The following ZGPAT variants were observed in gnomAD, a reference collection of about 807,000 sequenced individuals.
ZGPAT encodes the protein zinc finger CCCH-type with G patch domain-containing protein.
A neutral mutation model predicts 47.9 loss-of-function variants in ZGPAT; 39 were observed. That is an observed-to-expected ratio of 0.81 (90% CI 0.63 to 1.06). The LOEUF (loss-of-function observed/expected upper bound fraction) is 1.06, where lower values mean the gene tolerates loss of function less well. ZGPAT is among the 50% of genes least tolerant of loss of function. The pLI, the probability that ZGPAT is intolerant of heterozygous loss-of-function variation, is 0.00. For missense variants in ZGPAT, 717 were observed against 681.4 expected (o/e 1.05, Z -0.58); for synonymous variants, 348 against 292.9 (o/e 1.19, Z -1.92).
chr20:63,708,561 C>T lies in ZGPAT; in HGVS notation c.-20C>T, dbSNP rs1022555777. The T allele has an allele frequency of 5.7e-6, 9 of 1,566,180 alleles. No individual in the cohort carries two copies. Among genetic ancestry groups the T allele is most frequent in the East Asian group, 2.3e-5 (1 of 44,202 alleles). On this transcript the variant is annotated 5_prime_UTR_variant, in exon 2 of 7. Transcript: ENST00000355969. ...GGCTTCTCTTCTTGCAGCCCTGGTC[C>T]AGCGCCTCCCTCTCTCAGCATGGAC...
rs374342331 is a variant in ZGPAT, at chr20:63,735,505, C to T, written c.1338C>T (p.Ile446=). 4.8e-5 allele frequency: 73 copies of T among 1,532,092 alleles called. No homozygotes were observed. Among genetic ancestry groups the T allele is most frequent in the Middle Eastern group, 1.8e-4 (1 of 5,654 alleles). The allele number at this position is 1,532,092 out of a possible 1,614,324, so 94.9% of individuals were successfully genotyped here. The change falls in exon 6 of 7, where the codon ATC becomes ATT. Residue 446 remains isoleucine (I), a synonymous_variant. Coordinates refer to ENST00000355969, the MANE Select transcript of ZGPAT (RefSeq NM_181485.3). The stretch of plus-strand genomic sequence containing the variant: ...GGCTCTTCCAGACTGAGGAGAAGAT[C>T]GAGCGAACCCAGCGGGACATCAGGA... ...SLRLFQTEEK[I]ERTQRDIRSI...
intron 2 of ZGPAT, among the ~76,000 whole-genome samples, chr20:63,713,264 T>C (rs2145642621): frequency 6.6e-6 from 1 of 151,054 alleles, no homozygotes; most frequent in Non-Finnish European, 1.5e-5. Context: ...GGAGTCTTGC[T>C]CTGTTGCCCA....
At chr20:63,717,506 T>C (rs1370854243) in intron 2 of ZGPAT, among the ~76,000 whole-genome samples, 2 of 152,116 alleles carry the variant, frequency 1.3e-5, no homozygotes, top group Admixed American at 1.3e-4. Context: ...TCTTTTTGAA[T>C]GTAAGCATTT....
chr20:63,717,314 A>T (rs2145653145), intron 2 of ZGPAT, among the ~76,000 whole-genome samples: 1 of 134,988 alleles, frequency 7.4e-6, no homozygotes, highest in African/African-American at 2.8e-5. Context: ...TATTGATTTG[A>T]GATCTCTTTT....
At chr20:63,721,983 A>C (rs2091792739) in intron 2 of ZGPAT, among the ~76,000 whole-genome samples, 1 of 146,228 alleles carries the variant, frequency 6.8e-6, no homozygotes, top group Non-Finnish European at 1.5e-5. Flanking sequence ...ATTGCACTCC[A>C]GCCTGGGCGA....
intron 2 of ZGPAT, among the ~76,000 whole-genome samples, chr20:63,717,562 A>G (rs1028633571): frequency 7.9e-6 from 1 of 126,628 alleles, no homozygotes; most frequent in Non-Finnish European, 1.8e-5. Flanking sequence ...TGCATTCCAT[A>G]AGATTGTTTT....
chr20:63,733,500 C>T (rs1601349321), intron 3 of ZGPAT, 87 bp from the exon 4 acceptor site: 1 of 1,610,042 alleles, frequency 6.2e-7, no homozygotes, highest in Non-Finnish European at 8.5e-7. Flanking sequence ...CAGCCTCTGC[C>T]CTGCCTTGCT....
intron 2 of ZGPAT, among the ~76,000 whole-genome samples, chr20:63,725,291 C>T (rs531110154): frequency 6.6e-6 from 1 of 152,228 alleles, no homozygotes; most frequent in Non-Finnish European, 1.5e-5. Context: ...GCTAGAATTT[C>T]TTGTAGGACA....
intron 2 of ZGPAT, among the ~76,000 whole-genome samples, chr20:63,732,382 ATG>A (rs1026728389): frequency 9.0e-5 from 12 of 133,090 alleles, no homozygotes; most frequent in East Asian, 6.8e-4. Context: ...GTGTGCGCGC[ATG>A]TGTGTGGGTG....
At chr20:63,715,718 G>C (rs573996547) in intron 2 of ZGPAT, among the ~76,000 whole-genome samples, 2 of 152,214 alleles carry the variant, frequency 1.3e-5, no homozygotes, top group Admixed American at 6.5e-5. Context: ...TGGCCTCATA[G>C]AATGAGTTAG....
intron 2 of ZGPAT, among the ~76,000 whole-genome samples, chr20:63,711,087 T>A (rs559049801): frequency 6.6e-6 from 1 of 151,488 alleles, no homozygotes; most frequent in Non-Finnish European, 1.5e-5. Flanking sequence ...TGGAGTGCAG[T>A]GGCACAATCT....
chr20:63,735,079 G>C, intron 5 of ZGPAT, 80 bp from the exon 6 acceptor site: 9 of 1,442,022 alleles, frequency 6.2e-6, no homozygotes, highest in Middle Eastern at 5.1e-4. Flanking sequence ...GGGTCCCGTG[G>C]CCACAGCACT....
Position 63,735,675 on chromosome 20 carries a change from T to G in ZGPAT, c.1398-106T>G. 3 of 1,521,928 alleles carry G rather than the reference T, an allele frequency of 2.0e-6. No homozygotes were observed. The South Asian group carries it at 3.7e-5, about 19-fold the overall frequency. The allele number at this position is 1,521,928 out of a possible 1,614,324, so 94.3% of individuals were successfully genotyped here. A position where few individuals can be genotyped will look rare whatever the true frequency, so the allele number is the denominator to read the frequency against. ...CATAGCGGGCTGAGTCCAGGAGGGG[T>G]CTGCATGTTGGAGGACGGGCAGCGG... On this transcript the variant is annotated intron_variant, in intron 6 of 6. Transcript: ENST00000355969.
intron 2 of ZGPAT, among the ~76,000 whole-genome samples, chr20:63,726,488 C>T (rs562227243): frequency 2.8e-5 from 4 of 143,056 alleles, no homozygotes; most frequent in East Asian, 2.1e-4. Context: ...GGCATGAGCC[C>T]GGCCTTGAAT....
intron 2 of ZGPAT, among the ~76,000 whole-genome samples, chr20:63,728,880 A>G (rs1273923225): frequency 6.6e-6 from 1 of 152,156 alleles, no homozygotes; most frequent in Non-Finnish European, 1.5e-5. Context: ...AAGGCTGTAG[A>G]CTTCCCAGTA....
At chr20:63,733,067 TGTGCGTGA>T (rs1484840439) in intron 2 of ZGPAT, 144 bp from the exon 3 acceptor site, 7 of 950,884 alleles carry the variant, frequency 7.4e-6, no homozygotes, top group Non-Finnish European at 1.1e-5. Context: ...TGTGTATGTG[TGTGCGTGA>T]GTGTGTGAGA....
rs200830770 is a variant in ZGPAT, at chr20:63,735,726, CTG to C, written c.1398-54_1398-53del. On this transcript the variant is annotated intron_variant, in intron 6 of 6. Coordinates refer to ENST00000355969, the MANE Select transcript of ZGPAT (RefSeq NM_181485.3). Reference sequence around the variant, plus strand: ...GCACACAGGCAGTGGGTACGGCAGACTGGGGTTGGTGGCATGGCCCAGGACCC... The same window carrying C: ...GCACACAGGCAGTGGGTACGGCAGACGGGTTGGTGGCATGGCCCAGGACCC... 2,454 of 1,555,548 alleles carry C rather than the reference CTG, an allele frequency of 1.6e-3. 15 individuals are homozygous for C. The African/African-American group carries it at 0.023, about 14-fold the overall frequency.
chr20:63,715,847 G>T (rs1281128213), intron 2 of ZGPAT, among the ~76,000 whole-genome samples: 12 of 152,252 alleles, frequency 7.9e-5, no homozygotes, highest in African/African-American at 2.9e-4. Flanking sequence ...GAGAGAGAGA[G>T]AGAGAGAGAG....
intron 2 of ZGPAT, among the ~76,000 whole-genome samples, chr20:63,717,338 T>C (rs1366844011): frequency 7.4e-6 from 1 of 134,978 alleles, no homozygotes; most frequent in African/African-American, 2.7e-5. Context: ...TTTTCTTTTT[T>C]TTTTTTTTTT....
Sources: gnomAD v4.1 joint callset for allele counts (sites outside exome capture counted in the v4.1 genomes callset) on GRCh38, gnomAD v4.1.1 for gene constraint, MANE v1.5 for transcripts, NCBI Gene and HGNC (gene_info 2026-07-23, HGNC 2026-07-21) for gene names.